Variants in CCSER1 observed in about 807,000 individuals in gnomAD.
CCSER1 encodes coiled-coil serine rich protein 1, also known as serine-rich coiled-coil domain-containing protein 1.
Under a neutral mutation model 82.0 loss-of-function variants are expected in CCSER1, and 41 were observed. That is an observed-to-expected ratio of 0.50 (90% CI 0.39 to 0.65). The LOEUF (loss-of-function observed/expected upper bound fraction) is 0.65. Among genes scored for constraint, CCSER1 ranks in the 30% least tolerant of loss-of-function variants. The pLI, the probability that CCSER1 is intolerant of heterozygous loss-of-function variation, is 0.00. For missense variants in CCSER1, 1,119 were observed against 1,064.2 expected, an observed-to-expected ratio of 1.05 and a Z score of -0.72; for synonymous variants, 414 against 383.9, an observed-to-expected ratio of 1.08 and a Z score of -0.92.
chr4:91,161,076 A>G (rs1049190742), intron 10 of CCSER1, among the ~76,000 whole-genome samples: 4 of 152,040 alleles, frequency 2.6e-5, no homozygotes, highest in Admixed American at 2.6e-4. Flanking sequence ...AATTAATTTT[A>G]GTATAAGGTG....
intron 4 of CCSER1, among the ~76,000 whole-genome samples, chr4:90,437,556 G>A (rs1675202455): frequency 6.6e-6 from 1 of 152,004 alleles, no homozygotes; most frequent in South Asian, 2.1e-4. Context: ...GTATAATGAG[G>A]ATAAGAAAAC....
At chr4:90,574,437 T>C (rs1007310244) in intron 5 of CCSER1, among the ~76,000 whole-genome samples, 33 of 149,674 alleles carry the variant, frequency 2.2e-4, no homozygotes, top group Non-Finnish European at 4.7e-4. Context: ...CCCGGCTAAT[T>C]TTTTGTATTT....
At position 90,810,985 on chromosome 4, in the gene CCSER1, A is replaced by G. The variant is rs977807276; in HGVS notation, c.2011-4777A>G. ...GTAGCTGGGACTACAGGTGCCCACCACCGCGCCCAACTAATTTTTTGTATT... is the reference window on the plus strand; with the variant it reads ...GTAGCTGGGACTACAGGTGCCCACCGCCGCGCCCAACTAATTTTTTGTATT... On this transcript the variant is annotated intron_variant, in intron 7 of 10. Coordinates refer to ENST00000509176, the MANE Select transcript of CCSER1 (RefSeq NM_001145065.2). 2.3e-4 allele frequency among the ~76,000 whole-genome samples: 35 copies of G among 151,578 alleles called. 1 individual carries two copies. Among genetic ancestry groups the G allele is most frequent in the Admixed American group, 2.0e-3 (30 of 15,244 alleles).
intron 10 of CCSER1, among the ~76,000 whole-genome samples, chr4:91,355,243 C>T (rs112983960): frequency 0.02 from 2,992 of 151,692 alleles, 88 homozygotes; most frequent in African/African-American, 0.067. Flanking sequence ...GTTTACAGAA[C>T]GGCATCTTAT....
rs879663503 is a variant in CCSER1 at position 90,232,669 on chromosome 4, C to G, written c.-41-75575C>G. 2.8e-3 allele frequency among the ~76,000 whole-genome samples: 392 copies of G among 140,688 alleles called. 2 individuals are homozygous for G. Among genetic ancestry groups the G allele is most frequent in the Non-Finnish European group, 4.0e-3 (264 of 65,284 alleles). 92.3% of individuals were successfully genotyped at this position (140,688 alleles called of 152,430 possible). On this transcript the variant is annotated intron_variant, in intron 1 of 10. Coordinates refer to ENST00000509176, the MANE Select transcript of CCSER1 (RefSeq NM_001145065.2). ...GCTTCTGCACAGCAAAAGAAACTAC[C>G]ATCAGAGTGAACAGGCAACCTACAA... is the stretch of plus-strand genomic sequence containing the variant.
intron 10 of CCSER1, among the ~76,000 whole-genome samples, chr4:91,540,539 G>A (rs1035535255): frequency 6.6e-6 from 1 of 152,020 alleles, no homozygotes; most frequent in Non-Finnish European, 1.5e-5. Context: ...CTTTTGCAAA[G>A]CAAAAGTTTT....
In CCSER1 at chr4:90,288,258, C is replaced by T. The variant is rs978913581; in HGVS notation, c.-41-19986C>T. The stretch of plus-strand genomic sequence containing the variant: ...TGACACTTCATCTCAAATAGTTATT[C>T]CCTTTACTCACACTGCTACTTGGAA... On this transcript the variant is annotated intron_variant, in intron 1 of 10. Transcript: ENST00000509176. Among the ~76,000 whole-genome samples, 5 of 151,888 alleles carry T rather than the reference C, an allele frequency of 3.3e-5. No homozygotes were observed. The East Asian group carries it at 9.7e-4, about 29-fold the overall frequency.
Position 90,889,512 on chromosome 4 carries a change from C to G in CCSER1, c.2095-33858C>G, listed in dbSNP as rs148298749. On this transcript the variant is annotated intron_variant, in intron 8 of 10. Coordinates refer to ENST00000509176, the MANE Select transcript of CCSER1 (RefSeq NM_001145065.2). ...TCAATACTTTGGGAAATACTATACA[C>G]AAAAACAGGAATGGAGAAGGATAAG... Among the ~76,000 whole-genome samples, 237 of 152,158 alleles carry G rather than the reference C, an allele frequency of 1.6e-3. 1 individual carries two copies. Among genetic ancestry groups the G allele is most frequent in the Admixed American group, 7.1e-3 (108 of 15,262 alleles).
In CCSER1 at chr4:90,534,395, C is replaced by T. The variant is rs574739777; in HGVS notation, c.1724+66041C>T. Among the ~76,000 whole-genome samples, 454 of 151,212 alleles carry T rather than the reference C, an allele frequency of 3.0e-3. 1 individual carries two copies. The highest frequency in any genetic ancestry group is 0.01 in the African/African-American group (431 of 41,100). On this transcript the variant is annotated intron_variant, in intron 5 of 10. Transcript: ENST00000509176. ...CCGCCCGCCTCGGCCTCCCGAAGTG[C>T]TGGGATTACAGGCGTGAGCCACCGA...
intron 7 of CCSER1, among the ~76,000 whole-genome samples, chr4:90,725,611 T>G: frequency 6.6e-6 from 1 of 151,534 alleles, no homozygotes. Context: ...AAATCAAAAT[T>G]ATGAAATAAA....
intron 3 of CCSER1, among the ~76,000 whole-genome samples, chr4:90,373,005 T>TA (rs1373591647): frequency 6.6e-6 from 1 of 151,952 alleles, no homozygotes; most frequent in African/African-American, 2.4e-5. Context: ...CCAACTTTAT[T>TA]AAGTCACACT....
intron 1 of CCSER1, among the ~76,000 whole-genome samples, chr4:90,139,792 A>G (rs1028290849): frequency 5.3e-5 from 8 of 152,032 alleles, no homozygotes; most frequent in Non-Finnish European, 8.8e-5. Context: ...TCTCTACTAA[A>G]CAAACAAACA....
chr4:90,730,969 G>T (rs576684058), intron 7 of CCSER1, among the ~76,000 whole-genome samples: 41 of 152,136 alleles, frequency 2.7e-4, no homozygotes, highest in African/African-American at 9.6e-4. Flanking sequence ...TAGAGTGTTT[G>T]TTGAAAAAAA....
intron 6 of CCSER1, among the ~76,000 whole-genome samples, chr4:90,699,601 T>G (rs1178830992): frequency 1.3e-5 from 2 of 152,174 alleles, no homozygotes; most frequent in South Asian, 4.1e-4. Context: ...GTTTTCAGTT[T>G]AAAGTAATTT....
chr4:91,155,962 CATTATT>C (rs934661637), intron 10 of CCSER1, among the ~76,000 whole-genome samples: 10 of 151,754 alleles, frequency 6.6e-5, no homozygotes, highest in Middle Eastern at 3.4e-3. Flanking sequence ...ATATAATTTA[CATTATT>C]ATTATTTTAA....
At position 91,602,664 on chromosome 4, in the gene CCSER1, G is replaced by T. The variant is rs1764857068; in HGVS notation, c.*3607G>T. On this transcript the variant is annotated 3_prime_UTR_variant, in exon 11 of 11. Transcript: ENST00000509176. ...CTTTCAGAACTTAACATTCTAAACA[G>T]CTATAGAAGGAAGTGGTTCAAAATA... Among the ~76,000 whole-genome samples, 1 of 151,962 alleles carries T rather than the reference G, an allele frequency of 6.6e-6. No individual in the cohort carries two copies. Among genetic ancestry groups the T allele is most frequent in the Admixed American group, 6.6e-5 (1 of 15,234 alleles).
At chr4:91,272,903 G>GT (rs1742146294) in intron 10 of CCSER1, among the ~76,000 whole-genome samples, 1 of 152,102 alleles carries the variant, frequency 6.6e-6, no homozygotes, top group African/African-American at 2.4e-5. Flanking sequence ...TTGGTTGGCT[G>GT]TAAGTATTTG....
intron 8 of CCSER1, among the ~76,000 whole-genome samples, chr4:90,818,972 C>G (rs1445608287): frequency 6.6e-6 from 1 of 152,084 alleles, no homozygotes; most frequent in East Asian, 1.9e-4. Context: ...CTAAGGCTAC[C>G]AAAACAAAAT....
At chr4:90,544,457 C>T (rs1776500284) in intron 5 of CCSER1, among the ~76,000 whole-genome samples, 1 of 152,104 alleles carries the variant, frequency 6.6e-6, no homozygotes, top group African/African-American at 2.4e-5. Flanking sequence ...TCTGATTCTC[C>T]TCTCCCAGTG....
Sources: allele counts gnomAD v4.1 joint callset (sites outside exome capture counted in the v4.1 genomes callset), GRCh38; gene constraint gnomAD v4.1.1; transcripts MANE v1.5; gene names NCBI Gene and HGNC (gene_info 2026-07-23, HGNC 2026-07-21).